The following WDR27 variants were observed in gnomAD, a reference collection of about 807,000 sequenced individuals.
WDR27 encodes WD repeat-containing protein 27.
In WDR27, 100 loss-of-function variants were observed where a neutral mutation model predicts 114.4. That is an observed-to-expected ratio of 0.87 (90% CI 0.74 to 1.03). The LOEUF is 1.03. Ranked by LOEUF, WDR27 falls within the 50% of genes least tolerant of loss-of-function variation. The probability of loss-of-function intolerance (pLI) is 0.00; values close to 1 mark genes in which losing one functional copy is unlikely to be tolerated. For synonymous variants in WDR27, 449 were observed against 423.1 expected (o/e 1.06, Z -0.75); for missense variants, 1,129 against 1,092.9 (o/e 1.03, Z -0.47).
At chr6:169,489,750 G>T (rs1305564899) in intron 25 of WDR27, among the ~76,000 whole-genome samples, 1 of 152,194 alleles carries the variant, frequency 6.6e-6, no homozygotes, top group Non-Finnish European at 1.5e-5. Flanking sequence ...CCCTCCAGAT[G>T]GTTGCAATGT....
At chr6:169,559,459 C>G (rs1307138769) in intron 25 of WDR27, 1 of 152,044 alleles carries the variant, frequency 6.6e-6, no homozygotes, top group African/African-American at 2.4e-5. Context: ...ATAAATTGTA[C>G]ATGAAAACAC....
At chr6:169,583,114 T>G (rs1803794127) in intron 23 of WDR27, among the ~76,000 whole-genome samples, 180 bp from the exon 24 acceptor site, 1 of 152,084 alleles carries the variant, frequency 6.6e-6, no homozygotes, top group Non-Finnish European at 1.5e-5. Context: ...AATAGGCATC[T>G]TTTCCCCTTC....
intron 24 of WDR27, among the ~76,000 whole-genome samples, chr6:169,579,252 T>C (rs1802963111): frequency 6.6e-6 from 1 of 152,204 alleles, no homozygotes; most frequent in Non-Finnish European, 1.5e-5. Context: ...GATGAGGCTG[T>C]AATGTGGAGG....
chr6:169,434,100 C>G, the WDR27 span, among the ~76,000 whole-genome samples: 4 of 152,180 alleles, frequency 2.6e-5, no homozygotes, highest in Non-Finnish European at 5.9e-5. Context: ...AATTAGATCC[C>G]ATTTGTCAAT....
rs3033612 is a variant in WDR27 at position 169,553,058 on chromosome 6, CTGTG to C, written c.2645+19357_2645+19360del. On this transcript the variant is annotated intron_variant, in intron 25 of 25. Transcript: ENST00000448612. ...GGGAGGTGGGGAGGGCCTGGAGGGC[CTGTG>C]TGTGTGTGTGTGTGTGTGTGTGTGT... 1.6e-3 allele frequency among the ~76,000 whole-genome samples: 49 copies of C among 30,162 alleles called. 2 individuals carry two copies. Among genetic ancestry groups the C allele is most frequent in the South Asian group, 4.6e-3 (3 of 656 alleles). 19.8% of individuals were successfully genotyped at this position (30,162 alleles called of 152,430 possible). A position where few individuals can be genotyped will look rare whatever the true frequency, so the allele number is the denominator to read the frequency against.
intron 1 of WDR27, among the ~76,000 whole-genome samples, chr6:169,694,598 T>C (rs1403176465): frequency 6.6e-6 from 1 of 152,268 alleles, no homozygotes. Context: ...GTTTACTTCA[T>C]GTCTCAGAAG....
intron 21 of WDR27, among the ~76,000 whole-genome samples, chr6:169,630,392 A>G (rs970114992): frequency 5.9e-5 from 9 of 152,206 alleles, no homozygotes; most frequent in African/African-American, 1.9e-4. Flanking sequence ...AACAGATTCC[A>G]GGTTCCAGGT....
chr6:169,634,320 C>CG (rs1306776064), intron 20 of WDR27, 108 bp downstream of exon 20: 2 of 713,184 alleles, frequency 2.8e-6, no homozygotes, highest in Non-Finnish European at 4.7e-6. Context: ...CCTGCATTCC[C>CG]GGAGCCCCAC....
At chr6:169,667,807 A>T (rs1027067942) in intron 5 of WDR27, among the ~76,000 whole-genome samples, 175 bp downstream of exon 5, 1 of 152,206 alleles carries the variant, frequency 6.6e-6, no homozygotes, top group African/African-American at 2.4e-5. Context: ...CCCCGGCAAA[A>T]CATCCGGGCT....
intron 25 of WDR27, among the ~76,000 whole-genome samples, chr6:169,571,385 A>T (rs1801394387): frequency 6.6e-6 from 1 of 152,200 alleles, no homozygotes; most frequent in Admixed American, 6.5e-5. Flanking sequence ...ACTTCTGATA[A>T]CCCCACTCTC....
intron 23 of WDR27, among the ~76,000 whole-genome samples, chr6:169,601,212 A>C (rs1442439390): frequency 2.6e-5 from 4 of 152,198 alleles, no homozygotes; most frequent in Admixed American, 1.3e-4. Context: ...CAGCCAAACT[A>C]AGCTTCGTAA....
intron 25 of WDR27, among the ~76,000 whole-genome samples, chr6:169,535,857 T>C (rs924841495): frequency 3.3e-5 from 5 of 152,208 alleles, no homozygotes; most frequent in African/African-American, 1.2e-4. Flanking sequence ...ATTGTTTAGC[T>C]CTGACACCCA....
intron 13 of WDR27, among the ~76,000 whole-genome samples, chr6:169,655,654 G>C (rs9371160): frequency 0.083 from 12,642 of 152,244 alleles, 1,731 homozygotes; most frequent in East Asian, 0.61. Flanking sequence ...TTGCCAGCTG[G>C]AGACCCCCGA....
Position 169,634,488 on chromosome 6 carries a change from GCCT to G in WDR27, c.2038_2040del (p.Arg680del). The G allele has an allele frequency of 6.2e-7, 1 of 1,613,070 alleles. No homozygotes were observed. The highest frequency in any genetic ancestry group is 8.5e-7 in the Non-Finnish European group (1 of 1,179,570). The stretch of plus-strand genomic sequence containing the variant: ...ATGTCTACTGCACCCGTCGTGGAGA[GCCT>G]GCAAATCAGCTTGGACTTGCTCTTC... On this transcript the variant is annotated inframe_deletion, in exon 20 of 26. Coordinates refer to ENST00000448612, the MANE Select transcript of WDR27 (RefSeq NM_182552.5).
chr6:169,499,834 C>A (rs1790899131), intron 25 of WDR27, among the ~76,000 whole-genome samples: 4 of 152,228 alleles, frequency 2.6e-5, no homozygotes, highest in African/African-American at 4.8e-5. Flanking sequence ...TGGCCCAAAG[C>A]AGTGGCTGGG....
intron 25 of WDR27, among the ~76,000 whole-genome samples, chr6:169,521,476 C>G (rs1202508665): frequency 2.0e-5 from 3 of 152,070 alleles, no homozygotes; most frequent in Non-Finnish European, 4.4e-5. Context: ...CCCACTGATA[C>G]AATTTAGTGC....
chr6:169,587,218 T>C lies in WDR27; in HGVS notation c.2425-4284A>G, dbSNP rs962238915. Among the ~76,000 whole-genome samples, 54 of 130,594 alleles carry C rather than the reference T, an allele frequency of 4.1e-4. 1 individual carries two copies. The highest frequency in any genetic ancestry group is 3.7e-3 in the Middle Eastern group (1 of 270). 85.7% of individuals were successfully genotyped at this position (130,594 alleles called of 152,430 possible). ...TCCTTTCTCCTCAAGGATTTTCTTTTTTTTTTTTTTTTTTTTTAAAGACAG... is the reference window on the plus strand; with the variant it reads ...TCCTTTCTCCTCAAGGATTTTCTTTCTTTTTTTTTTTTTTTTTAAAGACAG... On this transcript the variant is annotated intron_variant, in intron 23 of 25. Coordinates refer to ENST00000448612, the MANE Select transcript of WDR27 (RefSeq NM_182552.5).
chr6:169,581,324 A>G (rs7764627), intron 24 of WDR27, among the ~76,000 whole-genome samples: 134,918 of 151,922 alleles, frequency 0.89, 60,596 homozygotes, highest in East Asian at 0.99. Context: ...ACCTCTCCCC[A>G]CCGCCCACCC....
chr6:169,626,870 T>C (rs775666897), intron 21 of WDR27, among the ~76,000 whole-genome samples: 1 of 152,208 alleles, frequency 6.6e-6, no homozygotes, highest in African/African-American at 2.4e-5. Flanking sequence ...GGCATGAGGA[T>C]GCCCCGCTGT....
Sources: allele counts gnomAD v4.1 joint callset (sites outside exome capture counted in the v4.1 genomes callset), GRCh38; gene constraint gnomAD v4.1.1; transcripts MANE v1.5; gene names NCBI Gene and HGNC (gene_info 2026-07-23, HGNC 2026-07-21).